TNFRSF19: variants seen among roughly 807,000 people sequenced by gnomAD.
The protein encoded by TNFRSF19 is TNF receptor superfamily member 19.
In TNFRSF19, 27 loss-of-function variants were observed where a neutral mutation model predicts 46.4. The ratio of observed to expected loss-of-function variants is 0.58; its 90% confidence interval spans 0.43 to 0.80. The LOEUF is 0.80. Ranked by LOEUF, TNFRSF19 falls within the 30% of genes least tolerant of loss-of-function variation. TNFRSF19 has a pLI of 0.00. For missense variants in TNFRSF19, 511 were observed against 530.8 expected (o/e 0.96, Z 0.37); for synonymous variants, 204 against 205.0 (o/e 1.00, Z 0.04).
chr13:23,672,254 CTA>C (rs967330349), intron 9 of TNFRSF19, among the ~76,000 whole-genome samples: 14 of 152,280 alleles, frequency 9.2e-5, no homozygotes, highest in African/African-American at 3.4e-4. Context: ...CAAGTTTTTC[CTA>C]TACACATCTC....
intron 3 of TNFRSF19, among the ~76,000 whole-genome samples, chr13:23,614,958 G>A (rs1205541851): frequency 6.6e-6 from 1 of 152,012 alleles, no homozygotes; most frequent in Non-Finnish European, 1.5e-5. Context: ...AAGGAGTATG[G>A]ATTATTGAGA....
chr13:23,671,580 T>G (rs542141813), intron 9 of TNFRSF19, among the ~76,000 whole-genome samples: 1 of 152,298 alleles, frequency 6.6e-6, no homozygotes, highest in African/African-American at 2.4e-5. Flanking sequence ...ACTTCAGGCC[T>G]TTGGGGGCCT....
At chr13:23,609,185 C>T (rs1019102742) in intron 3 of TNFRSF19, among the ~76,000 whole-genome samples, 1 of 152,186 alleles carries the variant, frequency 6.6e-6, no homozygotes, top group African/African-American at 2.4e-5. Context: ...CATATTTACC[C>T]TATCTCTCCT....
rs1463179929 is a variant in TNFRSF19 at position 23,570,711 on chromosome 13, G to A, written c.-172G>A. The stretch of plus-strand genomic sequence containing the variant: ...TTACAGGCATTTCATCTCCCTGCTC[G>A]TCTGCCTTTGATCTGCATGGTTAAT... On this transcript the variant is annotated 5_prime_UTR_variant, in exon 1 of 10. Coordinates refer to ENST00000248484, the MANE Select transcript of TNFRSF19 (RefSeq NM_148957.4). The A allele has an allele frequency of 1.3e-5, 2 of 152,138 alleles. No homozygotes were observed. Among genetic ancestry groups the A allele is most frequent in the Admixed American group, 6.6e-5 (1 of 15,266 alleles). 9.4% of individuals were successfully genotyped at this position (152,138 alleles called of 1,614,324 possible). A position where few individuals can be genotyped will look rare whatever the true frequency, so the allele number is the denominator to read the frequency against.
At chr13:23,571,115 A>G (rs1877608639) in intron 1 of TNFRSF19, among the ~76,000 whole-genome samples, 1 of 152,230 alleles carries the variant, frequency 6.6e-6, no homozygotes, top group African/African-American at 2.4e-5. Context: ...AAACAGGACA[A>G]AACAGAACAG....
intron 5 of TNFRSF19, among the ~76,000 whole-genome samples, chr13:23,653,740 G>A (rs1015360767): frequency 6.6e-6 from 1 of 152,212 alleles, no homozygotes; most frequent in Non-Finnish European, 1.5e-5. Context: ...CAAGTAGGCT[G>A]TGAGATGCAT....
chr13:23,586,257 C>CA (rs34228080), intron 1 of TNFRSF19, among the ~76,000 whole-genome samples: 11,910 of 91,680 alleles, frequency 0.13, 1,022 homozygotes, highest in East Asian at 0.3. Flanking sequence ...GACTCCGTCT[C>CA]AAAAAAAAAA....
intron 5 of TNFRSF19, among the ~76,000 whole-genome samples, chr13:23,655,092 C>T (rs114406141): frequency 6.2e-4 from 94 of 152,328 alleles, no homozygotes; most frequent in African/African-American, 2.2e-3. Flanking sequence ...GCACCTTGGT[C>T]TACTCCAAAG....
At chr13:23,603,281 G>A (rs1452536723) in intron 3 of TNFRSF19, among the ~76,000 whole-genome samples, 1 of 151,982 alleles carries the variant, frequency 6.6e-6, no homozygotes, top group Non-Finnish European at 1.5e-5. Context: ...CACACAAGAA[G>A]AAATCCACAG....
chr13:23,631,790 G>A (rs1228566884), intron 5 of TNFRSF19, among the ~76,000 whole-genome samples: 1 of 152,178 alleles, frequency 6.6e-6, no homozygotes, highest in African/African-American at 2.4e-5. Context: ...CAAGTTCCTC[G>A]TGTTGAATTC....
rs145714723 is a variant in TNFRSF19, at chr13:23,612,145, G to A, written c.181-3722G>A. ...TGATAAAAAGAAAAGAAATGATCTC[G>A]GCCAGGGTGGTGACACAAGTTTGTG... is the stretch of plus-strand genomic sequence containing the variant. On this transcript the variant is annotated intron_variant, in intron 3 of 9. Transcript: ENST00000248484. Among the ~76,000 whole-genome samples the A allele has an allele frequency of 3.9e-4, 60 of 152,282 alleles. 1 individual carries two copies. Among genetic ancestry groups the A allele is most frequent in the Middle Eastern group, 3.4e-3 (1 of 294 alleles).
intron 3 of TNFRSF19, among the ~76,000 whole-genome samples, chr13:23,612,433 A>C (rs1284758083): frequency 6.6e-6 from 1 of 152,226 alleles, no homozygotes; most frequent in Non-Finnish European, 1.5e-5. Context: ...TCTGTGTTTA[A>C]GGTGCATTAG....
intron 3 of TNFRSF19, among the ~76,000 whole-genome samples, chr13:23,609,866 G>C (rs1002967092): frequency 3.3e-5 from 5 of 152,126 alleles, no homozygotes; most frequent in Non-Finnish European, 5.9e-5. Context: ...AATTATAGCT[G>C]ATCTAGCCTA....
intron 4 of TNFRSF19, 57 bp downstream of exon 4, chr13:23,616,102 G>A: frequency 6.6e-6 from 10 of 1,521,664 alleles, no homozygotes; most frequent in Admixed American, 2.0e-5. Flanking sequence ...TTTTAAAAAG[G>A]CAATTCCCTT....
chr13:23,604,702 A>T (rs1007144321), intron 3 of TNFRSF19, among the ~76,000 whole-genome samples: 1 of 152,160 alleles, frequency 6.6e-6, no homozygotes, highest in African/African-American at 2.4e-5. Context: ...GACCCAGCTA[A>T]GTGTAGTCAT....
chr13:23,588,877 G>A (rs1339269055), intron 1 of TNFRSF19, among the ~76,000 whole-genome samples: 1 of 152,216 alleles, frequency 6.6e-6, no homozygotes, highest in Non-Finnish European at 1.5e-5. Flanking sequence ...CTCAACAAAG[G>A]TAAATGATTT....
At chr13:23,639,719 C>T (rs1167304084) in intron 5 of TNFRSF19, among the ~76,000 whole-genome samples, 1 of 152,202 alleles carries the variant, frequency 6.6e-6, no homozygotes, top group East Asian at 1.9e-4. Flanking sequence ...CGTGCCCTGA[C>T]CCGGCCCTGG....
At position 23,668,020 on chromosome 13, in the gene TNFRSF19, C is replaced by T; in HGVS notation, c.777C>T (p.Ala259=). 6.2e-7 allele frequency: 1 copy of T among 1,610,446 alleles called. No individual in the cohort carries two copies. The highest frequency in any genetic ancestry group is 8.5e-7 in the Non-Finnish European group (1 of 1,178,560). ...RLLPSMCCEE[A]CSPNPATLGC... ...TCCCATCCATGTGCTGTGAGGAGGCCTGCAGCCCCAACCCGGCGACTCTTG... is the reference window on the plus strand; with the variant it reads ...TCCCATCCATGTGCTGTGAGGAGGCTTGCAGCCCCAACCCGGCGACTCTTG... The change falls in exon 8 of 10, where the codon GCC becomes GCT. Residue 259 remains alanine (A), a synonymous_variant. Coordinates refer to ENST00000248484, the MANE Select transcript of TNFRSF19 (RefSeq NM_148957.4).
intron 2 of TNFRSF19, 152 bp downstream of exon 2, chr13:23,590,404 G>C (rs1032875745): frequency 2.2e-6 from 1 of 463,076 alleles, no homozygotes; most frequent in Non-Finnish European, 3.8e-6. Flanking sequence ...GTGCAATCTT[G>C]GCTCACTGTA....
Sources: allele counts gnomAD v4.1 joint callset (sites outside exome capture counted in the v4.1 genomes callset), GRCh38; gene constraint gnomAD v4.1.1; transcripts MANE v1.5; gene names NCBI Gene and HGNC (gene_info 2026-07-23, HGNC 2026-07-21).